The following EPHA4 variants were observed in gnomAD, a reference collection of about 807,000 sequenced individuals.
EPHA4 encodes the protein ephrin type-A receptor 4.
In EPHA4, 19 loss-of-function variants were observed where a neutral mutation model predicts 108.3. The ratio of observed to expected loss-of-function variants is 0.18; its 90% CI spans 0.12 to 0.26. The LOEUF (loss-of-function observed/expected upper bound fraction) is 0.26. EPHA4 is among the 10% of genes least tolerant of loss of function. EPHA4 has a pLI of 1.00. For synonymous variants in EPHA4, 449 were observed against 455.5 expected (o/e 0.99, Z 0.18); for missense variants, 917 against 1,254.0 (o/e 0.73, Z 4.06).
intron 5 of EPHA4, among the ~76,000 whole-genome samples, chr2:221,460,921 T>C (rs2106121270): frequency 6.6e-6 from 1 of 152,366 alleles, no homozygotes; most frequent in South Asian, 2.1e-4. Context: ...CTTTAATAAA[T>C]GCAGTATCTT....
intron 11 of EPHA4, among the ~76,000 whole-genome samples, chr2:221,442,418 A>T (rs1690456489): frequency 6.6e-6 from 1 of 152,204 alleles, no homozygotes; most frequent in Non-Finnish European, 1.5e-5. Flanking sequence ...CAAGATTCCC[A>T]AGCTTCACTC....
At chr2:221,536,275 A>C (rs1010970910) in intron 3 of EPHA4, among the ~76,000 whole-genome samples, 1 of 152,202 alleles carries the variant, frequency 6.6e-6, no homozygotes, top group Non-Finnish European at 1.5e-5. Flanking sequence ...AATTATTCAG[A>C]ATAAAAATTA....
intron 2 of EPHA4, among the ~76,000 whole-genome samples, chr2:221,565,813 A>C (rs1207569721): frequency 2.0e-5 from 3 of 152,230 alleles, no homozygotes; most frequent in African/African-American, 7.2e-5. Flanking sequence ...ATCCAAAAAT[A>C]GATTCCCATC....
Position 221,458,506 on chromosome 2 carries a change from T to C in EPHA4, c.1319-516A>G, listed in dbSNP as rs561930967. 2.1e-4 allele frequency among the ~76,000 whole-genome samples: 32 copies of C among 152,264 alleles called. No individual in the cohort carries two copies. In the South Asian group the frequency reaches 2.3e-3, roughly 11 times the overall value. On this transcript the variant is annotated intron_variant, in intron 5 of 17. Transcript: ENST00000281821. ...CAATTTACATACTTTCCAATATAAA[T>C]AAAAGTACTGCTTAATCACAGTAAG...
Position 221,512,023 on chromosome 2 carries a change from A to T in EPHA4, c.824-10851T>A, listed in dbSNP as rs1045490663. ...CCTCATGCCTGAAATAAAAATGATTATGACTTTAGTAAATTTTGAGATTAA... is the reference window on the plus strand; with the variant it reads ...CCTCATGCCTGAAATAAAAATGATTTTGACTTTAGTAAATTTTGAGATTAA... On this transcript the variant is annotated intron_variant, in intron 3 of 17. Coordinates refer to ENST00000281821, the MANE Select transcript of EPHA4 (RefSeq NM_004438.5). Among the ~76,000 whole-genome samples, 9 of 152,296 alleles carry T rather than the reference A, an allele frequency of 5.9e-5. No homozygotes were observed. The East Asian group carries it at 1.7e-3, about 29-fold the overall frequency.
At chr2:221,507,426 T>G (rs1379364382) in intron 3 of EPHA4, among the ~76,000 whole-genome samples, 1 of 152,232 alleles carries the variant, frequency 6.6e-6, no homozygotes, top group Admixed American at 6.5e-5. Flanking sequence ...TGGGGACAAT[T>G]TCTTTGAATC....
chr2:221,436,742 T>C (rs1215863936), intron 12 of EPHA4, 134 bp from the exon 13 acceptor site: 2 of 953,682 alleles, frequency 2.1e-6, no homozygotes, highest in African/African-American at 1.6e-5. Context: ...TTCCAGGCCT[T>C]TCTGACCAAA....
At chr2:221,500,422 G>A (rs59270675) in intron 4 of EPHA4, among the ~76,000 whole-genome samples, 2,236 of 152,296 alleles carry the variant, frequency 0.015, 66 homozygotes, top group African/African-American at 0.051. Context: ...TCCATATAAA[G>A]TGTGAGAAAA....
intron 8 of EPHA4, among the ~76,000 whole-genome samples, chr2:221,448,276 G>A (rs1370281124): frequency 6.6e-6 from 1 of 151,990 alleles, no homozygotes; most frequent in Non-Finnish European, 1.5e-5. Flanking sequence ...GGATCACCAC[G>A]TGCTCTCCTA....
intron 1 of EPHA4, 124 bp downstream of exon 1, chr2:221,572,034 C>T (rs939631941): frequency 3.2e-4 from 254 of 802,208 alleles, no homozygotes; most frequent in Non-Finnish European, 4.7e-4. Context: ...CCCCTTCTCC[C>T]GAATCGGGAC....
intron 3 of EPHA4, among the ~76,000 whole-genome samples, chr2:221,558,794 G>A (rs1400396969): frequency 3.9e-5 from 6 of 151,958 alleles, no homozygotes; most frequent in African/African-American, 1.4e-4. Context: ...ATAATTAAAC[G>A]CTGCTCTCTT....
intron 3 of EPHA4, among the ~76,000 whole-genome samples, chr2:221,541,528 C>G (rs937385350): frequency 1.3e-5 from 2 of 152,054 alleles, no homozygotes; most frequent in Non-Finnish European, 2.9e-5. Flanking sequence ...AATGTTGAGC[C>G]GGGGAGGCGG....
At chr2:221,486,362 T>C (rs2106144872) in intron 4 of EPHA4, among the ~76,000 whole-genome samples, 1 of 152,320 alleles carries the variant, frequency 6.6e-6, no homozygotes, top group Non-Finnish European at 1.5e-5. Flanking sequence ...GCTTTGTTTG[T>C]AACATATAAT....
chr2:221,495,572 G>A (rs147272533), intron 4 of EPHA4, among the ~76,000 whole-genome samples: 464 of 152,278 alleles, frequency 3.0e-3, no homozygotes, highest in African/African-American at 0.01. Context: ...AAAATGTTCC[G>A]ATGGTGCTTC....
chr2:221,501,023 A>G lies in EPHA4; in HGVS notation c.973T>C (p.Cys325Arg). The change falls in exon 4 of 18, where the codon TGC becomes CGC. Residue 325 changes from cysteine (C) to arginine (R), a missense_variant. By Grantham distance (180) the Cys-to-Arg change is radical. Coordinates refer to ENST00000281821, the MANE Select transcript of EPHA4 (RefSeq NM_004438.5). ...AGACAAGCATACAACTTACGGGTGC[A>G]GGGCATAGAGGCAGCATCGTTGTCA... ...RADNDAASMP[C>R]TRPPSAPLNL... 2 of 1,604,518 alleles carry G rather than the reference A, an allele frequency of 1.2e-6. No homozygotes were observed. The highest frequency in any genetic ancestry group is 1.7e-6 in the Non-Finnish European group (2 of 1,176,188).
At chr2:221,480,651 C>T (rs532822629) in intron 5 of EPHA4, among the ~76,000 whole-genome samples, 21 of 152,262 alleles carry the variant, frequency 1.4e-4, no homozygotes, top group African/African-American at 4.8e-4. Context: ...GTGTTCACAA[C>T]CTAAAAATTC....
chr2:221,424,899 A>G (rs1483537965), intron 17 of EPHA4, among the ~76,000 whole-genome samples: 20 of 152,198 alleles, frequency 1.3e-4, no homozygotes. Context: ...AATGGCACCA[A>G]AGGACAGGAG....
chr2:221,490,717 A>T (rs1428316651), intron 4 of EPHA4, among the ~76,000 whole-genome samples: 1 of 152,344 alleles, frequency 6.6e-6, no homozygotes, highest in African/African-American at 2.4e-5. Context: ...ATCTCTCTCC[A>T]GCTGAAAGAC....
intron 8 of EPHA4, among the ~76,000 whole-genome samples, chr2:221,448,862 T>A (rs1289177368): frequency 6.6e-6 from 1 of 152,174 alleles, no homozygotes; most frequent in Non-Finnish European, 1.5e-5. Flanking sequence ...ACCTGGAATA[T>A]ACCATAGAAA....
Sources: allele counts gnomAD v4.1 joint callset (sites outside exome capture counted in the v4.1 genomes callset), GRCh38; gene constraint gnomAD v4.1.1; transcripts MANE v1.5; gene names NCBI Gene and HGNC (gene_info 2026-07-23, HGNC 2026-07-21).